The following COG6 variants were observed in gnomAD, a reference collection of about 807,000 sequenced individuals.
The protein encoded by COG6 is conserved oligomeric Golgi complex subunit 6.
A neutral mutation model predicts 88.8 loss-of-function variants in COG6; 74 were observed. The ratio of observed to expected loss-of-function variants is 0.83; its 90% CI spans 0.69 to 1.01. The LOEUF is 1.01. COG6 is among the 50% of genes least tolerant of loss of function. The pLI, the probability that COG6 is intolerant of heterozygous loss-of-function variation, is 0.00. For missense variants in COG6, 800 were observed against 797.9 expected, an observed-to-expected ratio of 1.00 and a Z score of -0.03; for synonymous variants, 286 against 278.7, an observed-to-expected ratio of 1.03 and a Z score of -0.26.
chr13:39,772,371 G>C (rs181205607), intron 18 of COG6, among the ~76,000 whole-genome samples: 1 of 152,168 alleles, frequency 6.6e-6, no homozygotes, highest in Non-Finnish European at 1.5e-5. Flanking sequence ...CCTATCGTGT[G>C]TCAGGCATTT....
At position 39,711,602 on chromosome 13, in the gene COG6, T is replaced by C. The variant is rs570473785; in HGVS notation, c.1285-7634T>C. On this transcript the variant is annotated intron_variant, in intron 13 of 18. Transcript: ENST00000455146. ...TTTGATATTATTCCTTCCTCCTCCT[T>C]CTCATCAGTCTTACTCATCTTCTGT... Among the ~76,000 whole-genome samples, 200 of 152,258 alleles carry C rather than the reference T, an allele frequency of 1.3e-3. 1 individual carries two copies. The highest frequency in any genetic ancestry group is 2.0e-3 in the Non-Finnish European group (137 of 68,024).
intron 18 of COG6, among the ~76,000 whole-genome samples, chr13:39,742,468 A>G (rs1223153087): frequency 6.6e-6 from 1 of 152,074 alleles, no homozygotes; most frequent in Non-Finnish European, 1.5e-5. Context: ...TCTCTGATAG[A>G]ACAGACTTTA....
intron 12 of COG6, among the ~76,000 whole-genome samples, chr13:39,698,751 A>G (rs1053775569): frequency 6.6e-6 from 1 of 151,830 alleles, no homozygotes; most frequent in African/African-American, 2.4e-5. Flanking sequence ...ATTACAGCAT[A>G]TTTTCATAAC....
intron 18 of COG6, among the ~76,000 whole-genome samples, chr13:39,771,660 A>G (rs1306392373): frequency 2.6e-5 from 4 of 152,236 alleles, no homozygotes; most frequent in Non-Finnish European, 5.9e-5. Flanking sequence ...TAATACAAAT[A>G]TATAGTCTAC....
At chr13:39,786,603 A>G (rs989569924) in intron 18 of COG6, among the ~76,000 whole-genome samples, 6 of 152,206 alleles carry the variant, frequency 3.9e-5, no homozygotes, top group African/African-American at 1.4e-4. Flanking sequence ...CACTTTTAAG[A>G]TTCAACTTTA....
chr13:39,735,706 CTTTTT>C (rs747873961), intron 18 of COG6, among the ~76,000 whole-genome samples: 3 of 108,058 alleles, frequency 2.8e-5, no homozygotes, highest in Admixed American at 2.2e-4. Context: ...TGATGAAGTC[CTTTTT>C]TTTTTTTTTT....
chr13:39,676,910 G>GT (rs2137981348), intron 4 of COG6, among the ~76,000 whole-genome samples: 1 of 152,096 alleles, frequency 6.6e-6, no homozygotes, highest in African/African-American at 2.4e-5. Context: ...TTAAAAGGTT[G>GT]TTTTTATTAC....
intron 4 of COG6, among the ~76,000 whole-genome samples, chr13:39,672,028 G>C (rs1875676851): frequency 6.6e-6 from 1 of 151,914 alleles, no homozygotes; most frequent in Non-Finnish European, 1.5e-5. Flanking sequence ...CTTTTCAACT[G>C]AATATGTCTA....
chr13:39,779,435 G>C (rs1479500997), intron 18 of COG6, among the ~76,000 whole-genome samples: 1 of 152,180 alleles, frequency 6.6e-6, no homozygotes, highest in African/African-American at 2.4e-5. Context: ...CCTGGATACT[G>C]TTTTGCCTAG....
chr13:39,664,276 T>A (rs1357049187), intron 3 of COG6: 1 of 153,482 alleles, frequency 6.5e-6, no homozygotes, highest in Non-Finnish European at 1.5e-5. Flanking sequence ...TGTGTTTTTC[T>A]CCACTTTACT....
chr13:39,787,386 G>A (rs1443101751), intron 18 of COG6, among the ~76,000 whole-genome samples: 18 of 151,868 alleles, frequency 1.2e-4, no homozygotes. Context: ...GTGTGCGTGT[G>A]GTGTGTGTGG....
chr13:39,730,769 ATC>A (rs1879392604), intron 18 of COG6, among the ~76,000 whole-genome samples: 1 of 79,612 alleles, frequency 1.3e-5, no homozygotes, highest in African/African-American at 6.1e-5. Flanking sequence ...GCAAGACTCC[ATC>A]TCAAAAAAAA....
chr13:39,750,901 A>AT, intron 18 of COG6, 45 bp from the exon 19 acceptor site: 1 of 1,473,506 alleles, frequency 6.8e-7, no homozygotes, highest in Non-Finnish European at 9.5e-7. Flanking sequence ...TAGTAAATAT[A>AT]TTTTTTTCAA....
At chr13:39,662,799 G>C (rs1464058356) in intron 3 of COG6, among the ~76,000 whole-genome samples, 2 of 152,012 alleles carry the variant, frequency 1.3e-5, no homozygotes, top group Admixed American at 1.3e-4. Context: ...TTTGCTTAAA[G>C]CTAATTTATT....
chr13:39,734,621 C>G (rs1328997478), intron 18 of COG6, among the ~76,000 whole-genome samples: 1 of 152,080 alleles, frequency 6.6e-6, no homozygotes, highest in Non-Finnish European at 1.5e-5. Flanking sequence ...TGCATTTGGT[C>G]TGTAGTGCAG....
chr13:39,684,243 A>ATTTTTTTTTTTTTTTTTTTTTTTTT (rs1203671335), intron 8 of COG6, among the ~76,000 whole-genome samples: 4 of 67,390 alleles, frequency 5.9e-5, no homozygotes, highest in Admixed American at 1.8e-4. Context: ...AATTTGGAAG[A>ATTTTTTTTTTTTTTTTTTTTTTTTT]TTTTTTTTTT....
At chr13:39,786,608 A>G (rs554246087) in intron 18 of COG6, among the ~76,000 whole-genome samples, 160 of 152,308 alleles carry the variant, frequency 1.1e-3, no homozygotes, top group African/African-American at 2.5e-3. Flanking sequence ...TTAAGATTCA[A>G]CTTTACAAAG....
At chr13:39,702,989 C>T (rs922989526) in intron 13 of COG6, among the ~76,000 whole-genome samples, 2 of 151,970 alleles carry the variant, frequency 1.3e-5, no homozygotes, top group Non-Finnish European at 2.9e-5. Flanking sequence ...TCTCTTGCAC[C>T]CTTGCCATTT....
At chr13:39,696,189 A>G (rs569456500) in intron 12 of COG6, among the ~76,000 whole-genome samples, 2 of 151,752 alleles carry the variant, frequency 1.3e-5, no homozygotes, top group Admixed American at 1.3e-4. Flanking sequence ...TACTTTGTCT[A>G]CTTGTTCACA....
Sources: allele counts gnomAD v4.1 joint callset (sites outside exome capture counted in the v4.1 genomes callset), GRCh38; gene constraint gnomAD v4.1.1; transcripts MANE v1.5; gene names NCBI Gene and HGNC (gene_info 2026-07-23, HGNC 2026-07-21).